The following CDH8 variants were observed in gnomAD, a reference collection of about 807,000 sequenced individuals.
CDH8 encodes cadherin-8.
In CDH8, 17 loss-of-function variants were observed where a neutral mutation model predicts 68.1. The ratio of observed to expected loss-of-function variants is 0.25; its 90% CI spans 0.17 to 0.37. The LOEUF (loss-of-function observed/expected upper bound fraction) is 0.37, where lower values mean the gene tolerates loss of function less well. Ranked by LOEUF, CDH8 falls within the 10% of genes least tolerant of loss-of-function variation. The pLI is 1.00. For synonymous variants in CDH8, 372 were observed against 365.1 expected, an observed-to-expected ratio of 1.02 and a Z score of -0.21; for missense variants, 763 against 999.3, an observed-to-expected ratio of 0.76 and a Z score of 3.19.
intron 10 of CDH8, among the ~76,000 whole-genome samples, chr16:61,672,340 G>A (rs566806147): frequency 2.0e-5 from 3 of 151,984 alleles, no homozygotes; most frequent in African/African-American, 7.2e-5. Context: ...GAATATTTTT[G>A]AATATCATAG....
intron 2 of CDH8, among the ~76,000 whole-genome samples, chr16:61,966,418 G>A (rs1488219053): frequency 6.6e-6 from 1 of 151,968 alleles, no homozygotes; most frequent in Non-Finnish European, 1.5e-5. Flanking sequence ...TTCGCCTGTA[G>A]TCCCAGCTAC....
In CDH8 at chr16:61,693,200, C is replaced by T. The variant is rs376114690; in HGVS notation, c.1654+20641G>A. 86 of 152,096 alleles carry T rather than the reference C, an allele frequency of 5.7e-4. 1 individual carries two copies. The highest frequency in any genetic ancestry group is 2.0e-3 in the African/African-American group (82 of 41,498). 9.4% of individuals were successfully genotyped at this position (152,096 alleles called of 1,614,324 possible). A position where few individuals can be genotyped will look rare whatever the true frequency, so the allele number is the denominator to read the frequency against. ...CCGGGTTAAAAAATAAAAGTATTTC[C>T]TTCAGTTCTTGTCTTTCAATATGAT... On this transcript the variant is annotated intron_variant, in intron 10 of 11. Transcript: ENST00000577390.
chr16:61,707,813 T>C (rs1249639606), intron 10 of CDH8, among the ~76,000 whole-genome samples: 1 of 152,204 alleles, frequency 6.6e-6, no homozygotes, highest in Non-Finnish European at 1.5e-5. Context: ...CATTCAATTT[T>C]AATATTTGGT....
chr16:61,836,027 C>G (rs945992055), intron 4 of CDH8, among the ~76,000 whole-genome samples: 1 of 151,740 alleles, frequency 6.6e-6, no homozygotes, highest in Non-Finnish European at 1.5e-5. Flanking sequence ...AAAATAGCAC[C>G]CGACATAATT....
intron 2 of CDH8, among the ~76,000 whole-genome samples, chr16:61,951,840 C>G (rs1964904022): frequency 6.6e-6 from 1 of 152,106 alleles, no homozygotes; most frequent in Non-Finnish European, 1.5e-5. Context: ...CAATAAAATA[C>G]TGCAGGTATC....
rs1006495974 is a variant in CDH8 at position 61,647,473 on chromosome 16, G to T, written c.*6135C>A. The stretch of plus-strand genomic sequence containing the variant: ...AGCAGAGTAACGTTGGAAAGGTGGG[G>T]GGGGTGATCCCAGTGACTCCTAAAT... On this transcript the variant is annotated 3_prime_UTR_variant, in exon 12 of 12. Coordinates refer to ENST00000577390, the MANE Select transcript of CDH8 (RefSeq NM_001796.5). 4.0e-4 allele frequency: 95 copies of T among 237,480 alleles called. No individual in the cohort carries two copies. Among genetic ancestry groups the T allele is most frequent in the African/African-American group, 2.0e-3 (90 of 43,954 alleles). The allele number at this position is 237,480 out of a possible 1,614,324, so 14.7% of individuals were successfully genotyped here. A position where few individuals can be genotyped will look rare whatever the true frequency, so the allele number is the denominator to read the frequency against.
chr16:61,940,503 A>G (rs1964700731), intron 2 of CDH8: 1 of 151,306 alleles, frequency 6.6e-6, no homozygotes, highest in South Asian at 2.1e-4. Context: ...AGGTTCAAGC[A>G]GTTCTCCTAC....
intron 2 of CDH8, among the ~76,000 whole-genome samples, chr16:61,984,612 C>T (rs2150584875): frequency 6.6e-6 from 1 of 152,144 alleles, no homozygotes; most frequent in African/African-American, 2.4e-5. Context: ...CGTTTTTCAA[C>T]TATACATAGC....
intron 2 of CDH8, among the ~76,000 whole-genome samples, chr16:61,962,336 G>A (rs1481028579): frequency 1.3e-5 from 2 of 152,176 alleles, no homozygotes; most frequent in Non-Finnish European, 2.9e-5. Flanking sequence ...AGGTACAGCA[G>A]GCATGGGGTC....
At chr16:61,670,313 A>G (rs754174989) in intron 10 of CDH8, among the ~76,000 whole-genome samples, 77 of 152,086 alleles carry the variant, frequency 5.1e-4, no homozygotes, top group Non-Finnish European at 8.5e-4. Flanking sequence ...AGATTTGATT[A>G]TAAAGTAAAT....
intron 4 of CDH8, among the ~76,000 whole-genome samples, chr16:61,836,720 A>C (rs2143006457): frequency 6.6e-6 from 1 of 152,100 alleles, no homozygotes; most frequent in East Asian, 1.9e-4. Flanking sequence ...CCCTCAGAGT[A>C]GGACTCAGGA....
chr16:61,974,549 G>A (rs1965402873), intron 2 of CDH8, among the ~76,000 whole-genome samples: 1 of 152,136 alleles, frequency 6.6e-6, no homozygotes, highest in African/African-American at 2.4e-5. Context: ...TGGTATCACA[G>A]CCTTTGGGAA....
chr16:61,929,863 C>G (rs370157929), intron 2 of CDH8, among the ~76,000 whole-genome samples: 1 of 152,072 alleles, frequency 6.6e-6, no homozygotes, highest in African/African-American at 2.4e-5. Context: ...GCACTCCAGC[C>G]TGGGTGACAC....
At chr16:61,995,697 C>T (rs114210035) in intron 2 of CDH8, among the ~76,000 whole-genome samples, 1,790 of 152,230 alleles carry the variant, frequency 0.012, 38 homozygotes, top group African/African-American at 0.041. Context: ...TTTTATGTGT[C>T]TTATTCTTTA....
chr16:61,652,407 G>A lies in CDH8; in HGVS notation c.*1201C>T. 2.0e-6 allele frequency: 2 copies of A among 984,986 alleles called. No homozygotes were observed. Among genetic ancestry groups the A allele is most frequent in the South Asian group, 4.7e-5 (1 of 21,272 alleles). 61.0% of individuals were successfully genotyped at this position (984,986 alleles called of 1,614,324 possible). A position where few individuals can be genotyped will look rare whatever the true frequency, so the allele number is the denominator to read the frequency against. ...AAGTCTAGAGTTTAAATATTCACAG[G>A]AATCAATATACTTTAGGATGTTTGT... On this transcript the variant is annotated 3_prime_UTR_variant, in exon 12 of 12. Transcript: ENST00000577390.
intron 2 of CDH8, among the ~76,000 whole-genome samples, chr16:61,958,521 T>C (rs1321845173): frequency 1.3e-5 from 2 of 152,174 alleles, no homozygotes; most frequent in Non-Finnish European, 2.9e-5. Flanking sequence ...CCATTGCTCT[T>C]TATCTATGAT....
At chr16:61,959,215 T>C (rs1259383360) in intron 2 of CDH8, among the ~76,000 whole-genome samples, 3 of 152,146 alleles carry the variant, frequency 2.0e-5, no homozygotes, top group Admixed American at 1.3e-4. Context: ...GGCTCTACTA[T>C]ACTTATTCAC....
At chr16:61,885,360 A>C (rs955529533) in intron 3 of CDH8, among the ~76,000 whole-genome samples, 2 of 152,202 alleles carry the variant, frequency 1.3e-5, no homozygotes, top group South Asian at 2.1e-4. Flanking sequence ...AAAAATATGT[A>C]CGCGGAACAA....
chr16:61,795,935 T>A lies in CDH8; in HGVS notation c.1278-6453A>T, dbSNP rs374481906. 6.0e-4 allele frequency among the ~76,000 whole-genome samples: 91 copies of A among 152,200 alleles called. 1 individual carries two copies. The East Asian group carries it at 0.016, about 26-fold the overall frequency. On this transcript the variant is annotated intron_variant, in intron 7 of 11. Transcript: ENST00000577390. ...TAGAGTTTGCTGATTGACCCTTTTTTAAGAATTTTCTCTCCTATTTCTGTA... is the reference window on the plus strand; with the variant it reads ...TAGAGTTTGCTGATTGACCCTTTTTAAAGAATTTTCTCTCCTATTTCTGTA...
Sources: gnomAD v4.1 joint callset for allele counts (sites outside exome capture counted in the v4.1 genomes callset) on GRCh38, gnomAD v4.1.1 for gene constraint, MANE v1.5 for transcripts, NCBI Gene and HGNC (gene_info 2026-07-23, HGNC 2026-07-21) for gene names.